MAPK6: variants seen among roughly 807,000 people sequenced by gnomAD.
MAPK6 encodes ERK-3.
MAPK6 carries 19 observed loss-of-function variants against 59.3 expected under a neutral mutation model. The observed-to-expected ratio is 0.32, with a 90% CI of 0.22 to 0.47. MAPK6 has a LOEUF of 0.47. Ranked by LOEUF, MAPK6 falls within the 20% of genes least tolerant of loss-of-function variation. The pLI, the probability that MAPK6 is intolerant of heterozygous loss-of-function variation, is 1.00. For missense variants in MAPK6, 724 were observed against 847.9 expected, an observed-to-expected ratio of 0.85 and a Z score of 1.81; for synonymous variants, 316 against 290.3, an observed-to-expected ratio of 1.09 and a Z score of -0.90.
At chr15:52,052,181 G>A (rs1305789335) in intron 3 of MAPK6, among the ~76,000 whole-genome samples, 1 of 152,186 alleles carries the variant, frequency 6.6e-6, no homozygotes, top group Non-Finnish European at 1.5e-5. Flanking sequence ...CAGTCAAGAT[G>A]TTGGTAAGGG....
At chr15:52,030,453 C>G (rs2030983851) in intron 1 of MAPK6, among the ~76,000 whole-genome samples, 1 of 151,948 alleles carries the variant, frequency 6.6e-6, no homozygotes, top group South Asian at 2.1e-4. Flanking sequence ...TTGCATTGTA[C>G]CCAGTGTAAC....
rs1490133811 is a variant in MAPK6 at position 52,066,728 on chromosome 15, G to A, written c.*1728G>A. 2.6e-5 allele frequency: 4 copies of A among 151,350 alleles called. No individual in the cohort carries two copies. The highest frequency in any genetic ancestry group is 2.6e-4 in the Admixed American group (4 of 15,164). The allele number at this position is 151,350 out of a possible 1,614,324, so 9.4% of individuals were successfully genotyped here. On this transcript the variant is annotated 3_prime_UTR_variant, in exon 6 of 6. Coordinates refer to ENST00000261845, the MANE Select transcript of MAPK6 (RefSeq NM_002748.4). Reference sequence around the variant, plus strand: ...CTGCCCACCTACCTTCTCAACAACTGACTTCATCTGGATTCACAAAGCCAT... The same window carrying A: ...CTGCCCACCTACCTTCTCAACAACTAACTTCATCTGGATTCACAAAGCCAT...
Position 52,061,216 on chromosome 15 carries a change from TTGAAATAAA to T in MAPK6, c.866-79_866-71del, listed in dbSNP as rs1221566796. On this transcript the variant is annotated intron_variant, in intron 4 of 5. Coordinates refer to ENST00000261845, the MANE Select transcript of MAPK6 (RefSeq NM_002748.4). ...GCTAAGGTAATCACTTAGCTAGTCATTGAAATAAATGAGATCAACATTTACTGTTTTTCT... is the reference window on the plus strand; with the variant it reads ...GCTAAGGTAATCACTTAGCTAGTCATTGAGATCAACATTTACTGTTTTTCT... The T allele has an allele frequency of 3.9e-6, 4 of 1,036,446 alleles. No homozygotes were observed. In the East Asian group the frequency reaches 9.5e-5, roughly 25 times the overall value. 64.2% of individuals were successfully genotyped at this position (1,036,446 alleles called of 1,614,324 possible).
intron 1 of MAPK6, among the ~76,000 whole-genome samples, chr15:52,038,662 G>A (rs948200653): frequency 2.0e-5 from 3 of 152,084 alleles, no homozygotes; most frequent in African/African-American, 7.2e-5. Context: ...AAGAGGCTGT[G>A]CACATGTCTC....
intron 1 of MAPK6, among the ~76,000 whole-genome samples, chr15:52,020,295 C>G (rs1451597996): frequency 6.6e-6 from 1 of 152,148 alleles, no homozygotes; most frequent in Non-Finnish European, 1.5e-5. Flanking sequence ...AGGGGGATCT[C>G]TGTGCAGCGG....
At chr15:51,992,113 C>T (rs1028016296) in intron 2 of MAPK6, among the ~76,000 whole-genome samples, 6 of 151,856 alleles carry the variant, frequency 4.0e-5, no homozygotes, top group African/African-American at 1.2e-4. Flanking sequence ...CACACCACCA[C>T]GCTTGGCTCG....
upstream of MAPK6, among the ~76,000 whole-genome samples, chr15:52,016,070 G>GCGCGCGTGCA: frequency 1.8e-5 from 1 of 55,392 alleles, no homozygotes; most frequent in Non-Finnish European, 3.4e-5. Context: ...GCGCGCGCGC[G>GCGCGCGTGCA]CACACACACA....
chr15:52,003,198 C>T (rs1022948352), intron 2 of MAPK6, among the ~76,000 whole-genome samples: 1 of 151,500 alleles, frequency 6.6e-6, no homozygotes, highest in African/African-American at 2.4e-5. Flanking sequence ...AAAAAAAAAA[C>T]CAAAAAACAA....
At chr15:52,023,757 G>A (rs762198734) in intron 1 of MAPK6, among the ~76,000 whole-genome samples, 3 of 152,128 alleles carry the variant, frequency 2.0e-5, no homozygotes, top group Non-Finnish European at 2.9e-5. Context: ...GACTACAGGT[G>A]CGCACCACCA....
In MAPK6 at chr15:52,047,645, C is replaced by CTTTT. The variant is rs35508228; in HGVS notation, c.555+644_555+647dup. Among the ~76,000 whole-genome samples, 62 of 137,560 alleles carry CTTTT rather than the reference C, an allele frequency of 4.5e-4. 1 individual carries two copies. Among genetic ancestry groups the CTTTT allele is most frequent in the Middle Eastern group, 3.7e-3 (1 of 268 alleles). The allele number at this position is 137,560 out of a possible 152,430, so 90.2% of individuals were successfully genotyped here. On this transcript the variant is annotated intron_variant, in intron 2 of 5. Coordinates refer to ENST00000261845, the MANE Select transcript of MAPK6 (RefSeq NM_002748.4). The stretch of plus-strand genomic sequence containing the variant: ...ACAGGTGTGAGCCCCCATGCCCAGC[C>CTTTT]TTTTTTTTTTTTTTTTTAAGTTTTT...
intron 3 of MAPK6, 57 bp downstream of exon 3, chr15:52,050,194 C>G: frequency 7.0e-7 from 1 of 1,426,404 alleles, no homozygotes. Flanking sequence ...TGCATTTTAT[C>G]TCTGAAGCAA....
upstream of MAPK6, among the ~76,000 whole-genome samples, chr15:52,016,058 G>GCGCGCA (rs1555396572): frequency 1.8e-5 from 1 of 54,868 alleles, no homozygotes; most frequent in Non-Finnish European, 3.4e-5. Flanking sequence ...TCCATCGCGC[G>GCGCGCA]CGCGCGCGCG....
intron 1 of MAPK6, among the ~76,000 whole-genome samples, chr15:51,982,237 G>C (rs1393603653): frequency 6.6e-6 from 1 of 152,154 alleles, no homozygotes; most frequent in Non-Finnish European, 1.5e-5. Context: ...ATTTAGAATC[G>C]TGTGAGAACA....
rs2032334827 is a variant in MAPK6, at chr15:52,064,492, T to G, written c.1658T>G (p.Leu553Trp). The G allele has an allele frequency of 6.2e-7, 1 of 1,608,248 alleles. No individual in the cohort carries two copies. The highest frequency in any genetic ancestry group is 1.7e-5 in the Admixed American group (1 of 59,584). ...GATGTTGTTGATAAATTAAATGACT[T>G]GAATAGCTCAGTGTCCCAACTAGAA... ...PTDVVDKLNDLNSSVSQLELK... is the reference protein window; with the variant it reads ...PTDVVDKLNDWNSSVSQLELK... Residue 553 changes from leucine (L) to tryptophan (W), a missense_variant, in exon 6 of 6, where the codon TTG (leucine) becomes TGG (tryptophan). Transcript: ENST00000261845.
At chr15:52,014,519 C>T (rs1025478530), upstream of MAPK6, among the ~76,000 whole-genome samples, 5 of 151,926 alleles carry the variant, frequency 3.3e-5, no homozygotes, top group African/African-American at 9.7e-5. Context: ...GGAGACCAGC[C>T]TGGGCAACAT....
chr15:51,983,061 T>C (rs555922444), intron 1 of MAPK6, among the ~76,000 whole-genome samples: 1 of 152,250 alleles, frequency 6.6e-6, no homozygotes, highest in African/African-American at 2.4e-5. Context: ...TAACACAAAA[T>C]CAAAATTTGG....
In MAPK6 at chr15:52,033,175, C is replaced by G. The variant is rs116998620; in HGVS notation, c.-631-12655C>G. 2.4e-4 allele frequency among the ~76,000 whole-genome samples: 37 copies of G among 152,254 alleles called. No individual in the cohort carries two copies. The East Asian group carries it at 5.0e-3, about 21-fold the overall frequency. ...GGTTATTTCTCTTAGATACAGAATT[C>G]TGGTGTGATGGTTAGTATTAAGTGT... On this transcript the variant is annotated intron_variant, in intron 1 of 5. Transcript: ENST00000261845.
At chr15:52,044,844 A>C (rs2031547681) in intron 1 of MAPK6, among the ~76,000 whole-genome samples, 1 of 152,084 alleles carries the variant, frequency 6.6e-6, no homozygotes, top group Non-Finnish European at 1.5e-5. Context: ...TAACACATTA[A>C]AACGCAGATA....
chr15:51,984,228 AT>A (rs996616493), intron 2 of MAPK6, among the ~76,000 whole-genome samples: 1 of 152,134 alleles, frequency 6.6e-6, no homozygotes, highest in African/African-American at 2.4e-5. Context: ...GGAGCATCAT[AT>A]ATTGTTGAAT....
Sources: gnomAD v4.1 joint callset for allele counts (sites outside exome capture counted in the v4.1 genomes callset) on GRCh38, gnomAD v4.1.1 for gene constraint, MANE v1.5 for transcripts, NCBI Gene and HGNC (gene_info 2026-07-23, HGNC 2026-07-21) for gene names.